Variants in CCDC144A observed in about 807,000 individuals in gnomAD.
CCDC144A encodes the protein coiled-coil domain-containing protein 144A.
In CCDC144A, 41 loss-of-function variants were observed where a neutral mutation model predicts 143.8. The ratio of observed to expected loss-of-function variants is 0.29; its 90% CI spans 0.22 to 0.37. The LOEUF (loss-of-function observed/expected upper bound fraction) is 0.37, where lower values mean the gene tolerates loss of function less well. Among genes scored for constraint, CCDC144A ranks in the 10% least tolerant of loss-of-function variants. The probability of loss-of-function intolerance (pLI) is 1.00; values close to 1 mark genes in which losing one functional copy is unlikely to be tolerated. For synonymous variants in CCDC144A, 242 were observed against 517.9 expected, an observed-to-expected ratio of 0.47 and a Z score of 7.23; for missense variants, 637 against 1,488.8, an observed-to-expected ratio of 0.43 and a Z score of 9.41.
the CCDC144A span, among the ~76,000 whole-genome samples, chr17:16,668,547 TC>T: frequency 6.6e-6 from 1 of 152,232 alleles, no homozygotes; most frequent in Non-Finnish European, 1.5e-5. Flanking sequence ...GTTATTTTTT[TC>T]TACCTGCTTT....
intron 14 of CCDC144A, among the ~76,000 whole-genome samples, chr17:16,763,066 G>A (rs1468194227): frequency 6.6e-6 from 1 of 151,252 alleles, no homozygotes; most frequent in African/African-American, 2.5e-5. Flanking sequence ...GAAGTGTCCT[G>A]TATAGTTTTT....
rs2143430198 is a variant in CCDC144A at position 16,776,250 on chromosome 17, A to G, written c.*2617A>G. ...TTCTAGGTCTGTAAAGAATGTGAAT[A>G]GTAGTTTAATGGGCCTAGCATTTAA... On this transcript the variant is annotated 3_prime_UTR_variant, in exon 17 of 17. Transcript: ENST00000399273. The G allele has an allele frequency of 6.6e-6, 1 of 152,356 alleles. No homozygotes were observed. Among genetic ancestry groups the G allele is most frequent in the African/African-American group, 2.4e-5 (1 of 41,580 alleles). 9.4% of individuals were successfully genotyped at this position (152,356 alleles called of 1,614,324 possible). A position where few individuals can be genotyped will look rare whatever the true frequency, so the allele number is the denominator to read the frequency against.
intron 9 of CCDC144A, among the ~76,000 whole-genome samples, chr17:16,729,991 T>TATATATACACACACAC (rs1491438660): frequency 8.7e-6 from 1 of 114,886 alleles, no homozygotes; most frequent in African/African-American, 3.3e-5. Flanking sequence ...TATATATATA[T>TATATATACACACACAC]ACACACATAC....
chr17:16,688,587 C>T (rs531013751), upstream of CCDC144A, among the ~76,000 whole-genome samples: 3 of 137,928 alleles, frequency 2.2e-5, no homozygotes, highest in African/African-American at 8.1e-5. Flanking sequence ...CTCCTGGGTT[C>T]AAGCGATTCT....
At chr17:16,707,887 T>C (rs1298248206) in intron 4 of CCDC144A, among the ~76,000 whole-genome samples, 1 of 152,216 alleles carries the variant, frequency 6.6e-6, no homozygotes. Flanking sequence ...TTAACAGTGA[T>C]GGCCACTGAG....
intron 12 of CCDC144A, among the ~76,000 whole-genome samples, chr17:16,744,194 G>T (rs1303789070): frequency 6.6e-6 from 1 of 152,190 alleles, no homozygotes; most frequent in Admixed American, 6.5e-5. Context: ...GTGAGAAGTG[G>T]ATATTTAACC....
At chr17:16,668,260 G>A in the CCDC144A span, among the ~76,000 whole-genome samples, 121 of 152,000 alleles carry the variant, frequency 8.0e-4, 8 homozygotes, top group South Asian at 0.023. Flanking sequence ...TTATTGCTGC[G>A]TTACAAGCTT....
chr17:16,767,514 G>A (rs935126650), intron 15 of CCDC144A, among the ~76,000 whole-genome samples: 2 of 150,878 alleles, frequency 1.3e-5, no homozygotes, highest in African/African-American at 4.9e-5. Context: ...AAAAGGTAGG[G>A]GGTGGGGTGG....
intron 8 of CCDC144A, among the ~76,000 whole-genome samples, chr17:16,726,398 G>A (rs1913426197): frequency 1.4e-5 from 2 of 141,764 alleles, no homozygotes; most frequent in African/African-American, 5.9e-5. Context: ...AAAAAAAAGA[G>A]AGATAAAAAA....
rs1010471285 is a variant in CCDC144A, at chr17:16,738,334, A to C, written c.3372+2691A>C. ...TTCTACCACTGAATTTTTAAAAACAAGTTTACTGAGAGAGAATTCTCATAC... is the reference window on the plus strand; with the variant it reads ...TTCTACCACTGAATTTTTAAAAACACGTTTACTGAGAGAGAATTCTCATAC... On this transcript the variant is annotated intron_variant, in intron 12 of 16. Coordinates refer to ENST00000399273, the MANE Select transcript of CCDC144A (RefSeq NM_001382000.1). Among the ~76,000 whole-genome samples, 24 of 140,862 alleles carry C rather than the reference A, an allele frequency of 1.7e-4. 1 individual carries two copies. The highest frequency in any genetic ancestry group is 8.0e-4 in the Admixed American group (11 of 13,726). The allele number at this position is 140,862 out of a possible 152,430, so 92.4% of individuals were successfully genotyped here. A position where few individuals can be genotyped will look rare whatever the true frequency, so the allele number is the denominator to read the frequency against.
the CCDC144A span, among the ~76,000 whole-genome samples, chr17:16,677,231 C>G: frequency 6.6e-6 from 1 of 152,190 alleles, no homozygotes; most frequent in Middle Eastern, 3.4e-3. Flanking sequence ...CACCAATTCT[C>G]CTAAAACTCC....
intron 12 of CCDC144A, among the ~76,000 whole-genome samples, chr17:16,753,438 T>G (rs9709077): frequency 1.3e-3 from 160 of 120,374 alleles, no homozygotes; most frequent in South Asian, 5.0e-3. Flanking sequence ...GTTTTTTTTT[T>G]TTTTTTTTTT....
chr17:16,767,927 G>C (rs556935017), intron 15 of CCDC144A, among the ~76,000 whole-genome samples: 1 of 152,366 alleles, frequency 6.6e-6, no homozygotes, highest in East Asian at 1.9e-4. Flanking sequence ...CCAGTAATGA[G>C]ATGCAGATGA....
At chr17:16,750,215 T>C (rs1401489251) in intron 12 of CCDC144A, among the ~76,000 whole-genome samples, 1 of 152,054 alleles carries the variant, frequency 6.6e-6, no homozygotes, top group Non-Finnish European at 1.5e-5. Context: ...GGTGTGTTTT[T>C]GTGGTAGTGG....
chr17:16,708,183 A>G (rs2543875), intron 4 of CCDC144A, among the ~76,000 whole-genome samples: 4 of 152,328 alleles, frequency 2.6e-5, no homozygotes, highest in East Asian at 1.9e-4. Context: ...TTAGGGGACC[A>G]TAGTATATAT....
the CCDC144A span, among the ~76,000 whole-genome samples, chr17:16,671,626 T>C: frequency 6.6e-6 from 1 of 151,988 alleles, no homozygotes; most frequent in Non-Finnish European, 1.5e-5. Context: ...ACACCTATGA[T>C]TAATAAAATA....
the CCDC144A span, among the ~76,000 whole-genome samples, chr17:16,667,699 T>C: frequency 1.3e-5 from 2 of 152,066 alleles, no homozygotes; most frequent in Non-Finnish European, 2.9e-5. Context: ...TTTACTGATA[T>C]AACTGAGGAT....
At chr17:16,746,667 C>T (rs1914537014) in intron 12 of CCDC144A, 11 of 1,612,086 alleles carry the variant, frequency 6.8e-6, no homozygotes, top group Non-Finnish European at 8.5e-6. Context: ...AGGTCGGCGG[C>T]GAAGAACTCG....
intron 5 of CCDC144A, among the ~76,000 whole-genome samples, chr17:16,711,025 C>T (rs12103738): frequency 6.9e-6 from 1 of 145,282 alleles, no homozygotes; most frequent in Non-Finnish European, 1.5e-5. Context: ...TGGGAAGCAT[C>T]TCATTTCCAG....
Sources: allele counts gnomAD v4.1 joint callset (sites outside exome capture counted in the v4.1 genomes callset), GRCh38; gene constraint gnomAD v4.1.1; transcripts MANE v1.5; gene names NCBI Gene and HGNC (gene_info 2026-07-23, HGNC 2026-07-21).